Variants in PDE10A observed in about 807,000 individuals in gnomAD.
PDE10A encodes the protein cAMP and cAMP-inhibited cGMP 3',5'-cyclic phosphodiesterase 10A.
PDE10A carries 39 observed loss-of-function variants against 97.7 expected under a neutral mutation model. The observed-to-expected ratio is 0.40, with a 90% CI of 0.31 to 0.52. The LOEUF is 0.52. PDE10A is among the 20% of genes least tolerant of loss of function. PDE10A has a pLI of 0.56. For missense variants in PDE10A, 731 were observed against 1,047.8 expected (o/e 0.70, Z 4.17); for synonymous variants, 371 against 376.8 (o/e 0.98, Z 0.18).
intron 18 of PDE10A, among the ~76,000 whole-genome samples, chr6:165,356,394 T>G (rs1283883279): frequency 6.6e-6 from 1 of 152,188 alleles, no homozygotes; most frequent in African/African-American, 2.4e-5. Context: ...ATCTTTCATA[T>G]AATTTTTTTC....
At chr6:165,409,141 G>T (rs918144622) in intron 13 of PDE10A, among the ~76,000 whole-genome samples, 1 of 144,424 alleles carries the variant, frequency 6.9e-6, no homozygotes, top group African/African-American at 2.6e-5. Context: ...CTCCAGCCTG[G>T]GCGACAGGGT....
At chr6:165,980,739 G>A (rs1032370308) in intron 1 of PDE10A, among the ~76,000 whole-genome samples, 1 of 152,058 alleles carries the variant, frequency 6.6e-6, no homozygotes, top group African/African-American at 2.4e-5. Flanking sequence ...ATTGACTATT[G>A]TTGCCATGTG....
At chr6:165,606,917 A>G (rs1787238966) in intron 1 of PDE10A, among the ~76,000 whole-genome samples, 1 of 152,152 alleles carries the variant, frequency 6.6e-6, no homozygotes, top group Non-Finnish European at 1.5e-5. Flanking sequence ...GATGATCAAT[A>G]TGATAAGTGA....
chr6:165,708,806 C>T, intron 1 of PDE10A, among the ~76,000 whole-genome samples: 1 of 122,180 alleles, frequency 8.2e-6, no homozygotes, highest in Non-Finnish European at 1.7e-5. Flanking sequence ...GCGCTCTCCC[C>T]ACACTCTCCA....
chr6:165,662,087 C>A lies in PDE10A; in HGVS notation c.725G>T (p.Gly242Val), dbSNP rs1024242595. ...GFPGAGPGGG[G>V]QTPRRPQGAS... is the part of the protein sequence containing the mutation. ...GCCCTGGGGACGCCGCGGAGTTTGG[C>A]CGCCGCCGCCTGGGCCGGCGCCGGG... Residue 242 changes from glycine (G) to valine (V), a missense_variant, in exon 1 of 22, where the codon GGC becomes GTC. By Grantham distance (109) the Gly-to-Val change is moderately radical (BLOSUM62 -3). Transcript: ENST00000539869. The A allele has an allele frequency of 6.8e-5, 84 of 1,236,080 alleles. No individual in the cohort carries two copies. The highest frequency in any genetic ancestry group is 8.0e-5 in the Non-Finnish European group (78 of 976,306). 76.6% of individuals were successfully genotyped at this position (1,236,080 alleles called of 1,614,324 possible).
intron 1 of PDE10A, among the ~76,000 whole-genome samples, chr6:165,742,397 A>G (rs1245808203): frequency 6.6e-6 from 1 of 152,178 alleles, no homozygotes; most frequent in Non-Finnish European, 1.5e-5. Context: ...TATGTACCCC[A>G]TTTCATGACT....
intron 1 of PDE10A, among the ~76,000 whole-genome samples, chr6:165,593,600 C>T (rs1786412895): frequency 6.6e-6 from 1 of 152,138 alleles, no homozygotes; most frequent in African/African-American, 2.4e-5. Flanking sequence ...ATTCCATCAG[C>T]AAAATCTATA....
intron 5 of PDE10A, 130 bp from the exon 6 acceptor site, chr6:165,435,507 G>C (rs1244637992): frequency 1.9e-5 from 14 of 729,918 alleles, no homozygotes; most frequent in Non-Finnish European, 2.9e-5. Flanking sequence ...ATGAGGAAAG[G>C]TGCTTTGCCA....
At chr6:165,987,529 C>T (rs1358568038) in exon 1 of PDE10A, 1 of 364,018 alleles carries the variant, frequency 2.7e-6, no homozygotes. Flanking sequence ...GTCAACTTAC[C>T]CGCCAAAGTA....
chr6:165,382,551 CAAAT>C (rs1326834621), intron 17 of PDE10A, among the ~76,000 whole-genome samples: 3 of 152,034 alleles, frequency 2.0e-5, no homozygotes, highest in African/African-American at 7.2e-5. Flanking sequence ...AGTTATGTGA[CAAAT>C]AGATTACTTA....
chr6:165,398,450 T>C (rs1786353476), intron 13 of PDE10A, among the ~76,000 whole-genome samples: 1 of 148,852 alleles, frequency 6.7e-6, no homozygotes. Context: ...ATTGCACTAC[T>C]ACACTTCAGC....
chr6:165,560,265 A>G (rs1422524268), intron 1 of PDE10A, among the ~76,000 whole-genome samples: 1 of 152,210 alleles, frequency 6.6e-6, no homozygotes, highest in Non-Finnish European at 1.5e-5. Flanking sequence ...GGAGAGCCAT[A>G]TGCTAAGAAA....
chr6:165,670,772 G>T (rs1330314555), intron 1 of PDE10A, among the ~76,000 whole-genome samples: 1 of 152,144 alleles, frequency 6.6e-6, no homozygotes, highest in East Asian at 1.9e-4. Context: ...GATTCCTGGG[G>T]TCTTAAAATA....
At chr6:165,857,698 CGT>C (rs775208021) in intron 1 of PDE10A, among the ~76,000 whole-genome samples, 2,580 of 123,452 alleles carry the variant, frequency 0.021, 42 homozygotes, top group African/African-American at 0.054. Context: ...TCAACAGTTC[CGT>C]GTGTGTGTGT....
chr6:165,808,402 G>T (rs559067462), intron 1 of PDE10A, among the ~76,000 whole-genome samples: 4 of 152,196 alleles, frequency 2.6e-5, no homozygotes, highest in Non-Finnish European at 5.9e-5. Context: ...GGGTGATGTC[G>T]CAGGAGGAGT....
chr6:165,403,026 T>C (rs760003056), intron 13 of PDE10A, among the ~76,000 whole-genome samples: 3 of 152,190 alleles, frequency 2.0e-5, no homozygotes, highest in Non-Finnish European at 4.4e-5. Context: ...ATTTACTAAT[T>C]GTATACATTT....
chr6:165,392,102 T>C (rs1785762910), intron 16 of PDE10A, among the ~76,000 whole-genome samples: 1 of 152,200 alleles, frequency 6.6e-6, no homozygotes, highest in South Asian at 2.1e-4. Context: ...TAAGGGACTT[T>C]GACTGTGGTT....
At chr6:165,507,612 T>C (rs533966090) in intron 2 of PDE10A, among the ~76,000 whole-genome samples, 4 of 152,178 alleles carry the variant, frequency 2.6e-5, no homozygotes, top group African/African-American at 7.2e-5. Context: ...TATTACTAAC[T>C]TGAATGGCTC....
intron 2 of PDE10A, among the ~76,000 whole-genome samples, chr6:165,490,891 G>C (rs1583396139): frequency 2.0e-5 from 3 of 152,248 alleles, no homozygotes; most frequent in Admixed American, 2.0e-4. Context: ...GGAAGTAGAG[G>C]CCGCAGTGAG....
Sources: gnomAD v4.1 joint callset for allele counts (sites outside exome capture counted in the v4.1 genomes callset) on GRCh38, gnomAD v4.1.1 for gene constraint, MANE v1.5 for transcripts, NCBI Gene and HGNC (gene_info 2026-07-23, HGNC 2026-07-21) for gene names.